Variants in CFAP57 observed in about 807,000 individuals in gnomAD.
The protein encoded by CFAP57 is cilia and flagella associated protein 57, also known as cilia- and flagella-associated protein 57.
Under a neutral mutation model 146.8 loss-of-function variants are expected in CFAP57, and 116 were observed. That is an observed-to-expected ratio of 0.79 (90% CI 0.68 to 0.92). The LOEUF (loss-of-function observed/expected upper bound fraction) is 0.92. Among genes scored for constraint, CFAP57 ranks in the 40% least tolerant of loss-of-function variants. CFAP57 has a pLI of 0.00. For missense variants in CFAP57, 1,377 were observed against 1,527.2 expected (o/e 0.90, Z 1.64); for synonymous variants, 518 against 552.8 (o/e 0.94, Z 0.88).
chr1:43,243,440 T>G, intron 22 of CFAP57, 81 bp downstream of exon 22: 2 of 1,401,046 alleles, frequency 1.4e-6, no homozygotes, highest in Non-Finnish European at 1.9e-6. Flanking sequence ...CCCTTTGGCT[T>G]CCTTCTGTAT....
At chr1:43,225,083 G>A (rs943480271) in intron 17 of CFAP57, among the ~76,000 whole-genome samples, 1 of 151,006 alleles carries the variant, frequency 6.6e-6, no homozygotes, top group Non-Finnish European at 1.5e-5. Flanking sequence ...TTGTTTGTTT[G>A]TTTGTTTTTA....
intron 6 of CFAP57, among the ~76,000 whole-genome samples, chr1:43,192,936 A>C (rs1251471414): frequency 2.0e-5 from 3 of 152,208 alleles, no homozygotes; most frequent in Non-Finnish European, 4.4e-5. Context: ...CTCAAAAAAA[A>C]AAATAAAAAG....
chr1:43,227,060 G>T lies in CFAP57; in HGVS notation c.2943G>T (p.Lys981Asn). ...KFKFVLDYKIKELKKQIEPRE... is the reference protein window; with the variant it reads ...KFKFVLDYKINELKKQIEPRE... ...AGTTTGTGCTTGACTACAAAATAAA[G>T]GAGCTGAAGAAGCAAATAGAACCTC... Residue 981 changes from lysine (K) to asparagine (N), a missense_variant, in exon 18 of 23, where the codon AAG becomes AAT. By Grantham distance (94) the Lys-to-Asn change is moderately conservative. Coordinates refer to ENST00000372492, the MANE Select transcript of CFAP57 (RefSeq NM_001378189.1). 6.5e-7 allele frequency: 1 copy of T among 1,544,980 alleles called. No homozygotes were observed. The highest frequency in any genetic ancestry group is 8.7e-7 in the Non-Finnish European group (1 of 1,144,598).
At position 43,222,837 on chromosome 1, in the gene CFAP57, T is replaced by TCAC. The variant is rs549638533; in HGVS notation, c.2548_2549insCCA (p.Val849_Arg850insThr). The TCAC allele has an allele frequency of 2.1e-3, 3,204 of 1,544,370 alleles. 48 individuals carry two copies. In the South Asian group the frequency reaches 0.025, roughly 12 times the overall value. On this transcript the variant is annotated inframe_insertion, in exon 16 of 23. Coordinates refer to ENST00000372492, the MANE Select transcript of CFAP57 (RefSeq NM_001378189.1). Reference sequence around the variant, plus strand: ...TCTCTGAGCCAGGCACAGGAAGACGTCAGGCAGCAGCTGCGGGAGTTTGAA... The same window carrying TCAC: ...TCTCTGAGCCAGGCACAGGAAGACGTCACCAGGCAGCAGCTGCGGGAGTTTGAA...
chr1:43,235,532 G>A (rs1474442217), intron 21 of CFAP57, among the ~76,000 whole-genome samples: 1 of 152,196 alleles, frequency 6.6e-6, no homozygotes, highest in East Asian at 1.9e-4. Context: ...TTCATACACA[G>A]CTGGGCAGAG....
At chr1:43,249,676 C>A (rs1646266039) in intron 22 of CFAP57, among the ~76,000 whole-genome samples, 1 of 146,644 alleles carries the variant, frequency 6.8e-6, no homozygotes, top group African/African-American at 2.5e-5. Flanking sequence ...AACTCCTGAG[C>A]TCAGCCAATC....
chr1:43,253,246 A>G (rs1355336072), intron 22 of CFAP57, among the ~76,000 whole-genome samples: 1 of 152,244 alleles, frequency 6.6e-6, no homozygotes, highest in Admixed American at 6.5e-5. Context: ...TGAGTTGTCC[A>G]GGAAGAGAGG....
intron 21 of CFAP57, among the ~76,000 whole-genome samples, chr1:43,240,431 C>G (rs1156533762): frequency 6.6e-6 from 1 of 152,164 alleles, no homozygotes; most frequent in African/African-American, 2.4e-5. Context: ...GGCACCATGG[C>G]CTTGACTAAC....
chr1:43,244,197 G>A (rs1646030292), intron 22 of CFAP57, among the ~76,000 whole-genome samples: 1 of 152,130 alleles, frequency 6.6e-6, no homozygotes, highest in Non-Finnish European at 1.5e-5. Context: ...CATCTCTATG[G>A]CAAATTAAGC....
chr1:43,209,643 C>T (rs1644508615), intron 10 of CFAP57, 100 bp from the exon 11 acceptor site: 1 of 1,219,692 alleles, frequency 8.2e-7, no homozygotes, highest in Non-Finnish European at 1.2e-6. Context: ...AAAGACAAGC[C>T]CCTAGGGATC....
intron 2 of CFAP57, among the ~76,000 whole-genome samples, chr1:43,177,824 A>T (rs932734150): frequency 6.6e-6 from 1 of 152,222 alleles, no homozygotes; most frequent in Admixed American, 6.5e-5. Context: ...ATCTGAGCTC[A>T]GGCGGTAATG....
chr1:43,248,319 CTT>C (rs763437285), intron 22 of CFAP57, among the ~76,000 whole-genome samples: 15 of 133,426 alleles, frequency 1.1e-4, no homozygotes, highest in South Asian at 4.8e-4. Flanking sequence ...AAAAAATTTT[CTT>C]TTTTTTTTTT....
At chr1:43,197,758 T>C in intron 7 of CFAP57, 66 bp downstream of exon 7, 1 of 1,596,306 alleles carries the variant, frequency 6.3e-7, no homozygotes, top group Non-Finnish European at 8.6e-7. Flanking sequence ...TGTGAATTAT[T>C]TTAATTACAG....
At chr1:43,186,525 G>T in intron 5 of CFAP57, among the ~76,000 whole-genome samples, 182 bp from the exon 6 acceptor site, 1 of 150,334 alleles carries the variant, frequency 6.7e-6, no homozygotes, top group African/African-American at 2.4e-5. Flanking sequence ...GCAGGAGAAT[G>T]GCGTGAACCC....
At chr1:43,203,652 G>A (rs1437832075) in intron 9 of CFAP57, among the ~76,000 whole-genome samples, 1 of 152,016 alleles carries the variant, frequency 6.6e-6, no homozygotes, top group African/African-American at 2.4e-5. Context: ...GTAGAGACAG[G>A]GTTTCACCAT....
intron 22 of CFAP57, among the ~76,000 whole-genome samples, chr1:43,245,978 A>G (rs780373860): frequency 6.6e-6 from 1 of 152,220 alleles, no homozygotes. Flanking sequence ...AAAAAGAATA[A>G]AATACTTGGG....
At chr1:43,177,947 T>C (rs961734168) in intron 2 of CFAP57, among the ~76,000 whole-genome samples, 2 of 152,192 alleles carry the variant, frequency 1.3e-5, no homozygotes, top group African/African-American at 4.8e-5. Flanking sequence ...TGAGCACTCC[T>C]GCATTTAGTG....
At chr1:43,176,733 A>G (rs1645186663) in intron 2 of CFAP57, among the ~76,000 whole-genome samples, 1 of 152,204 alleles carries the variant, frequency 6.6e-6, no homozygotes, top group African/African-American at 2.4e-5. Context: ...GCTAATAAGA[A>G]CAAACAAAGC....
At chr1:43,223,075 C>T (rs1570214043) in intron 16 of CFAP57, 78 bp downstream of exon 16, 1 of 1,433,280 alleles carries the variant, frequency 7.0e-7, no homozygotes, top group Non-Finnish European at 9.3e-7. Flanking sequence ...ACTGACCGGC[C>T]TGGGGGTGCT....
Sources: allele counts gnomAD v4.1 joint callset (sites outside exome capture counted in the v4.1 genomes callset), GRCh38; gene constraint gnomAD v4.1.1; transcripts MANE v1.5; gene names NCBI Gene and HGNC (gene_info 2026-07-23, HGNC 2026-07-21).